Variants in ANKH observed in about 807,000 individuals in gnomAD.
ANKH encodes ANKH inorganic pyrophosphate transport regulator, also known as mineralization regulator ANKH.
In ANKH, 15 loss-of-function variants were observed where a neutral mutation model predicts 49.0. The observed-to-expected ratio is 0.31, with a 90% CI of 0.20 to 0.47. The LOEUF is 0.47. Ranked by LOEUF, ANKH falls within the 20% of genes least tolerant of loss-of-function variation. The pLI, the probability that ANKH is intolerant of heterozygous loss-of-function variation, is 1.00. For synonymous variants in ANKH, 273 were observed against 260.0 expected (o/e 1.05, Z -0.48); for missense variants, 429 against 652.0 (o/e 0.66, Z 3.72).
At chr5:14,799,699 G>T (rs532193711) in intron 1 of ANKH, among the ~76,000 whole-genome samples, 9 of 152,258 alleles carry the variant, frequency 5.9e-5, no homozygotes, top group Admixed American at 6.5e-5. Flanking sequence ...GAGACCTACT[G>T]CTCAGAAAAA....
In ANKH at chr5:14,745,921, C is replaced by CA. The variant is rs1561035157; in HGVS notation, c.863dup (p.Met288IlefsTer20). 6.2e-7 allele frequency: 1 copy of CA among 1,614,210 alleles called. No individual in the cohort carries two copies. The highest frequency in any genetic ancestry group is 8.5e-7 in the Non-Finnish European group (1 of 1,180,032). ...GGATTTCCGTCAACCAGCCGTATGG[C>CA]ATGTGACCCACAGGGTATGTGGCTG... On this transcript the variant is annotated frameshift_variant, in exon 7 of 12. Coordinates refer to ENST00000284268, the MANE Select transcript of ANKH (RefSeq NM_054027.6). LOFTEE classifies it high-confidence loss of function. The surrounding 1 kb of genome is among the most constrained non-coding windows in gnomAD (Gnocchi z 4.7).
At position 14,743,001 on chromosome 5, in the gene ANKH, C is replaced by G. The variant is rs532111918; in HGVS notation, c.916-1079G>C. On this transcript the variant is annotated intron_variant, in intron 7 of 11. Coordinates refer to ENST00000284268, the MANE Select transcript of ANKH (RefSeq NM_054027.6). ...AACCCTGAACACCTGGCTCCGCATC[C>G]AGCCGCGTGAAACACACACCCACAG... Among the ~76,000 whole-genome samples the G allele has an allele frequency of 2.6e-5, 4 of 152,342 alleles. No homozygotes were observed. In the East Asian group the frequency reaches 7.7e-4, roughly 29 times the overall value.
chr5:14,811,767 C>G (rs1391721688), intron 1 of ANKH, among the ~76,000 whole-genome samples: 1 of 152,150 alleles, frequency 6.6e-6, no homozygotes, highest in African/African-American at 2.4e-5. Flanking sequence ...AAAAAAATTT[C>G]TGAGCAGTTA....
intron 1 of ANKH, chr5:14,798,139 C>G: frequency 6.5e-7 from 1 of 1,550,202 alleles, no homozygotes; most frequent in Non-Finnish European, 8.9e-7. Flanking sequence ...GCATCATCAT[C>G]AGGCAGCTGC....
chr5:14,797,629 G>A (rs769049612), intron 1 of ANKH: 23 of 1,601,974 alleles, frequency 1.4e-5, no homozygotes, highest in African/African-American at 2.7e-5. Context: ...TTGTTTGAAC[G>A]AGTATCCCAA....
At chr5:14,858,741 AT>A (rs1403665681) in intron 1 of ANKH, among the ~76,000 whole-genome samples, 1 of 94,440 alleles carries the variant, frequency 1.1e-5, no homozygotes, top group Non-Finnish European at 2.3e-5. Flanking sequence ...AAATAAATAA[AT>A]AAATAAATAA....
chr5:14,867,661 G>A (rs1364673176), intron 1 of ANKH, among the ~76,000 whole-genome samples: 4 of 151,994 alleles, frequency 2.6e-5, no homozygotes, highest in Non-Finnish European at 4.4e-5. Context: ...CCGGGTTCAC[G>A]CCATTCTCCT....
intron 1 of ANKH, chr5:14,797,678 A>C: frequency 6.3e-7 from 1 of 1,597,810 alleles, no homozygotes. Flanking sequence ...ACCCAAACAG[A>C]GACTCACAGA....
chr5:14,833,975 C>T (rs944181241), intron 1 of ANKH, among the ~76,000 whole-genome samples: 5 of 152,152 alleles, frequency 3.3e-5, no homozygotes, highest in African/African-American at 1.2e-4. Flanking sequence ...ACGGGGCTTA[C>T]GTGGGGCTCG....
At chr5:14,845,092 C>T (rs936599163) in intron 1 of ANKH, among the ~76,000 whole-genome samples, 9 of 150,740 alleles carry the variant, frequency 6.0e-5, no homozygotes, top group South Asian at 4.2e-4. Flanking sequence ...AATAAGGTAT[C>T]TGACCCTTCC....
intron 1 of ANKH, among the ~76,000 whole-genome samples, chr5:14,833,074 C>T (rs1326839051): frequency 6.6e-6 from 1 of 152,206 alleles, no homozygotes; most frequent in East Asian, 1.9e-4. Context: ...ACTATTATTC[C>T]TATTGTCTCA....
rs958573771 is a variant in ANKH, at chr5:14,734,211, G to T, written c.1011+7616C>A. On this transcript the variant is annotated intron_variant, in intron 8 of 11. Coordinates refer to ENST00000284268, the MANE Select transcript of ANKH (RefSeq NM_054027.6). ...TACCTGCTCCACCCTGACTCATTCC[G>T]ATTTCCTGCTCTGCCGTAATCATTT... Among the ~76,000 whole-genome samples, 63 of 152,012 alleles carry T rather than the reference G, an allele frequency of 4.1e-4. 1 individual carries two copies. Among genetic ancestry groups the T allele is most frequent in the South Asian group, 2.1e-4 (1 of 4,824 alleles).
At chr5:14,712,819 C>G (rs943415030) in intron 11 of ANKH, 55 bp downstream of exon 11, 6 of 1,524,780 alleles carry the variant, frequency 3.9e-6, no homozygotes, top group Non-Finnish European at 4.5e-6. Context: ...TGCTCAGGTT[C>G]TCCTGCACCC....
At chr5:14,839,094 C>T (rs1317683166) in intron 1 of ANKH, among the ~76,000 whole-genome samples, 1 of 152,124 alleles carries the variant, frequency 6.6e-6, no homozygotes. Flanking sequence ...CAAGCTGAGC[C>T]TTGTGCCATG....
In ANKH at chr5:14,737,026, C is replaced by T. The variant is rs1738209288; in HGVS notation, c.1011+4801G>A. ...TGCCATTGTGAAATCAAAATGGAAA[C>T]TAGTCAACTAAAAGCATCCAAAGGT... On this transcript the variant is annotated intron_variant, in intron 8 of 11. Transcript: ENST00000284268. The surrounding 1 kb of genome is among the most constrained non-coding windows in gnomAD (Gnocchi z 5.0). Among the ~76,000 whole-genome samples, 1 of 152,198 alleles carries T rather than the reference C, an allele frequency of 6.6e-6. No individual in the cohort carries two copies. The highest frequency in any genetic ancestry group is 1.5e-5 in the Non-Finnish European group (1 of 68,032).
At chr5:14,754,360 A>C (rs1738813428) in intron 4 of ANKH, among the ~76,000 whole-genome samples, 1 of 152,002 alleles carries the variant, frequency 6.6e-6, no homozygotes, top group East Asian at 1.9e-4. Context: ...GCCTTTAAAA[A>C]AACACACATC....
Position 14,716,840 on chromosome 5 carries a change from G to C in ANKH, c.1012-5C>G. The C allele has an allele frequency of 6.2e-7, 1 of 1,613,778 alleles. No individual in the cohort carries two copies. Among genetic ancestry groups the C allele is most frequent in the East Asian group, 2.2e-5 (1 of 44,866 alleles). On this transcript the variant is annotated splice_polypyrimidine_tract_variant and splice_region_variant and intron_variant, in intron 8 of 11. Transcript: ENST00000284268. ...CCAAAACATCACGAAACAGAGCTGG[G>C]GAGAAAGACATCAAACAGGGTTGTG...
rs779682565 is a variant in ANKH, at chr5:14,755,849, G to C, written c.516+12C>G. 1 of 1,612,824 alleles carries C rather than the reference G, an allele frequency of 6.2e-7. No individual in the cohort carries two copies. The highest frequency in any genetic ancestry group is 8.5e-7 in the Non-Finnish European group (1 of 1,178,828). The stretch of plus-strand genomic sequence containing the variant: ...TCTGAGGAGCTCTGATTGACACACA[G>C]ACCATATTTACCTGAGCTATGACAT... On this transcript the variant is annotated intron_variant, in intron 4 of 11. Transcript: ENST00000284268.
intron 1 of ANKH, among the ~76,000 whole-genome samples, chr5:14,809,999 GTT>G (rs1740829299): frequency 6.6e-6 from 1 of 152,108 alleles, no homozygotes; most frequent in South Asian, 2.1e-4. Flanking sequence ...CTCTGTTTGT[GTT>G]CCCTGGTGGC....
Sources: allele counts gnomAD v4.1 joint callset (sites outside exome capture counted in the v4.1 genomes callset), GRCh38; gene constraint gnomAD v4.1.1; non-coding constraint Gnocchi (gnomAD v3.1); transcripts MANE v1.5; gene names NCBI Gene and HGNC (gene_info 2026-07-23, HGNC 2026-07-21).